The following WDR33 variants were observed in gnomAD, a reference collection of about 807,000 sequenced individuals.
The protein encoded by WDR33 is pre-mRNA 3' end processing protein WDR33.
A neutral mutation model predicts 164.9 loss-of-function variants in WDR33; 47 were observed. The ratio of observed to expected loss-of-function variants is 0.29; its 90% CI spans 0.23 to 0.36. The LOEUF is 0.36. WDR33 is among the 10% of genes least tolerant of loss of function. The pLI is 1.00. For missense variants in WDR33, 1,137 were observed against 1,754.1 expected, an observed-to-expected ratio of 0.65 and a Z score of 6.28; for synonymous variants, 505 against 589.0, an observed-to-expected ratio of 0.86 and a Z score of 2.06.
At chr2:127,796,890 A>G (rs542378396) in intron 1 of WDR33, among the ~76,000 whole-genome samples, 28 of 152,160 alleles carry the variant, frequency 1.8e-4, no homozygotes, top group African/African-American at 6.5e-4. Context: ...AAAATAATTA[A>G]CCGGAAAAAC....
intron 7 of WDR33, chr2:127,762,521 AT>A (rs1687706784): frequency 1.0e-6 from 1 of 985,654 alleles, no homozygotes; most frequent in Admixed American, 6.1e-5. Flanking sequence ...ATAGAGGTTT[AT>A]TAATTATAAA....
intron 1 of WDR33, among the ~76,000 whole-genome samples, chr2:127,797,669 T>C (rs1336922671): frequency 6.6e-6 from 1 of 151,988 alleles, no homozygotes; most frequent in African/African-American, 2.4e-5. Context: ...AATTAAAGGG[T>C]CTAGATTTGA....
intron 1 of WDR33, 37 bp from the exon 2 acceptor site, chr2:127,771,041 A>G (rs908289193): frequency 3.3e-6 from 5 of 1,508,758 alleles, no homozygotes; most frequent in Admixed American, 1.8e-5. Context: ...TACAAATATC[A>G]GCACTGCAAC....
Position 127,735,705 on chromosome 2 carries a change from A to G in WDR33, c.725-8928T>C, listed in dbSNP as rs1686820867. 2 of 985,596 alleles carry G rather than the reference A, an allele frequency of 2.0e-6. 1 individual carries two copies. The highest frequency in any genetic ancestry group is 3.5e-5 in the African/African-American group (2 of 57,264). The allele number at this position is 985,596 out of a possible 1,614,324, so 61.1% of individuals were successfully genotyped here. A position where few individuals can be genotyped will look rare whatever the true frequency, so the allele number is the denominator to read the frequency against. ...AAGGGTATATGAGTACCCATGGCCCATAGCCAGATACTCCAGTTGGACAGA... is the reference window on the plus strand; with the variant it reads ...AAGGGTATATGAGTACCCATGGCCCGTAGCCAGATACTCCAGTTGGACAGA... On this transcript the variant is annotated intron_variant, in intron 7 of 21. Transcript: ENST00000322313. The surrounding 1 kb of genome is among the most constrained non-coding windows in gnomAD (Gnocchi z 4.3).
chr2:127,789,841 A>G (rs985913779), intron 1 of WDR33, among the ~76,000 whole-genome samples: 3 of 151,988 alleles, frequency 2.0e-5, no homozygotes, highest in Non-Finnish European at 4.4e-5. Context: ...TTGCTAAAAA[A>G]AAATTTTTTT....
Position 127,714,981 on chromosome 2 carries a change from A to T in WDR33, c.2870-960T>A, listed in dbSNP as rs185080210. Among the ~76,000 whole-genome samples the T allele has an allele frequency of 1.6e-3, 249 of 151,882 alleles. No homozygotes were observed. The highest frequency in any genetic ancestry group is 5.8e-3 in the African/African-American group (239 of 41,356). On this transcript the variant is annotated intron_variant, in intron 17 of 21. Coordinates refer to ENST00000322313, the MANE Select transcript of WDR33 (RefSeq NM_018383.5). This position sits in a 1 kb window ranked among gnomAD's most constrained non-coding sequence, Gnocchi z 4.3. ...TCCAATAGCCCAGTTCATGCCTTTT[A>T]CTGCTTTTCCCTGGCTATAAAGACA...
At position 127,793,140 on chromosome 2, in the gene WDR33, T is replaced by C. The variant is rs74217193; in HGVS notation, c.-24+17872A>G. ...TCTAATGATTTGGTACATCAAAAAC[T>C]CAATTTAGGGCCTGGCACGGTGGCT... On this transcript the variant is annotated intron_variant, in intron 1 of 21. Transcript: ENST00000322313. 8.9e-4 allele frequency among the ~76,000 whole-genome samples: 135 copies of C among 152,268 alleles called. 1 individual carries two copies. The East Asian group carries it at 0.014, about 15-fold the overall frequency.
At chr2:127,711,780 A>ATTTTT (rs1158780905) in intron 18 of WDR33, among the ~76,000 whole-genome samples, 1 of 88,308 alleles carries the variant, frequency 1.1e-5, no homozygotes, top group African/African-American at 6.5e-5. Context: ...ATATATATAT[A>ATTTTT]TTTTTTTTTT....
chr2:127,762,891 A>G (rs1417672276), intron 7 of WDR33, 171 bp downstream of exon 7: 2 of 1,417,810 alleles, frequency 1.4e-6, no homozygotes, highest in Admixed American at 2.9e-5. Flanking sequence ...AAAACCTACA[A>G]AATGACTGTG....
In WDR33 at chr2:127,716,958, C is replaced by G. The variant is rs1686316688; in HGVS notation, c.2869+197G>C. 6.6e-6 allele frequency among the ~76,000 whole-genome samples: 1 copy of G among 152,208 alleles called. No homozygotes were observed. The highest frequency in any genetic ancestry group is 2.4e-5 in the African/African-American group (1 of 41,446). ...CTGTGCGGGTGCCTTCATTGTCAGC[C>G]TCTGGGGTGAGGGGCTTACTAAACA... is the stretch of plus-strand genomic sequence containing the variant. On this transcript the variant is annotated intron_variant, in intron 17 of 21. Coordinates refer to ENST00000322313, the MANE Select transcript of WDR33 (RefSeq NM_018383.5). The surrounding 1 kb of genome is among the most constrained non-coding windows in gnomAD (Gnocchi z 4.5).
chr2:127,761,491 C>T (rs964935100), intron 7 of WDR33, among the ~76,000 whole-genome samples: 9 of 152,170 alleles, frequency 5.9e-5, no homozygotes, highest in African/African-American at 7.2e-5. Flanking sequence ...TGAGCCACCG[C>T]GCCCAGCTAC....
At chr2:127,725,448 C>A (rs1013726239) in intron 8 of WDR33, among the ~76,000 whole-genome samples, 1 of 152,174 alleles carries the variant, frequency 6.6e-6, no homozygotes, top group Non-Finnish European at 1.5e-5. Context: ...GTTAAAAAAG[C>A]AGCAGAGGCT....
At chr2:127,772,417 C>T (rs1258816697) in intron 1 of WDR33, among the ~76,000 whole-genome samples, 4 of 150,710 alleles carry the variant, frequency 2.7e-5, no homozygotes, top group Admixed American at 6.6e-5. Flanking sequence ...CCAGCCTGGG[C>T]GACAAGGCAA....
chr2:127,725,087 A>G lies in WDR33; in HGVS notation c.980T>C (p.Phe327Ser). ...IRNLKEELQV[F>S]RGHKKEATAV... ...TGTGGCTTCTTTCTTATGACCTCGGAAGACTTGAAGCTCTTCTTTTAGGTT... is the reference window on the plus strand; with the variant it reads ...TGTGGCTTCTTTCTTATGACCTCGGGAGACTTGAAGCTCTTCTTTTAGGTT... Residue 327 changes from phenylalanine (F) to serine (S), a missense_variant, in exon 9 of 22, where the codon TTC becomes TCC. This residue lies in a region of WDR33 where 83 missense variants were observed against 189.2 expected (regional missense o/e 0.44). Transcript: ENST00000322313. The G allele has an allele frequency of 1.2e-6, 2 of 1,613,736 alleles. No homozygotes were observed. The highest frequency in any genetic ancestry group is 1.7e-6 in the Non-Finnish European group (2 of 1,179,956).
rs1188899592 is a variant in WDR33 at position 127,703,112 on chromosome 2, G to A, written c.*3211C>T. On this transcript the variant is annotated 3_prime_UTR_variant, in exon 22 of 22. Coordinates refer to ENST00000322313, the MANE Select transcript of WDR33 (RefSeq NM_018383.5). The stretch of plus-strand genomic sequence containing the variant: ...CTTAATTTATTGCCAGAAGGTATGA[G>A]CCTAACATTCTGATGAGTCCAGAAA... 1 of 167,028 alleles carries A rather than the reference G, an allele frequency of 6.0e-6. No individual in the cohort carries two copies. Among genetic ancestry groups the A allele is most frequent in the Non-Finnish European group, 1.5e-5 (1 of 68,116 alleles). The allele number at this position is 167,028 out of a possible 1,614,324, so 10.3% of individuals were successfully genotyped here. A position where few individuals can be genotyped will look rare whatever the true frequency, so the allele number is the denominator to read the frequency against.
chr2:127,767,286 T>C (rs1558945068), intron 4 of WDR33, among the ~76,000 whole-genome samples: 1 of 152,226 alleles, frequency 6.6e-6, no homozygotes, highest in Non-Finnish European at 1.5e-5. Context: ...TTAAGACTGT[T>C]AACCAACAAG....
rs573725830 is a variant in WDR33 at position 127,755,255 on chromosome 2, G to T, written c.724+7807C>A. On this transcript the variant is annotated intron_variant, in intron 7 of 21. Coordinates refer to ENST00000322313, the MANE Select transcript of WDR33 (RefSeq NM_018383.5). ...AACTTCTACTTGTCGTTTTGAATCA[G>T]CTATAAATTACAAAGCAAGACCATC... 2.0e-4 allele frequency among the ~76,000 whole-genome samples: 31 copies of T among 152,258 alleles called. No homozygotes were observed. The South Asian group carries it at 6.4e-3, about 32-fold the overall frequency.
intron 1 of WDR33, among the ~76,000 whole-genome samples, chr2:127,800,377 G>A (rs896608547): frequency 3.9e-5 from 6 of 152,136 alleles, no homozygotes; most frequent in African/African-American, 1.4e-4. Context: ...GCTCATGCCT[G>A]TACTCCCAGC....
Position 127,768,299 on chromosome 2 carries a change from A to G in WDR33, c.274-6T>C, listed in dbSNP as rs1372487912. On this transcript the variant is annotated splice_region_variant and splice_polypyrimidine_tract_variant and intron_variant, in intron 3 of 21. Coordinates refer to ENST00000322313, the MANE Select transcript of WDR33 (RefSeq NM_018383.5). Reference sequence around the variant, plus strand: ...ATTCCTATAGGTGGGACCAGCTACAAAAAAGGAAAATTGGGTTCTTAGAGC... The same window carrying G: ...ATTCCTATAGGTGGGACCAGCTACAGAAAAGGAAAATTGGGTTCTTAGAGC... 2.6e-6 allele frequency: 4 copies of G among 1,522,898 alleles called. No homozygotes were observed. Among genetic ancestry groups the G allele is most frequent in the East Asian group, 2.3e-5 (1 of 42,808 alleles). The allele number at this position is 1,522,898 out of a possible 1,614,324, so 94.3% of individuals were successfully genotyped here. A position where few individuals can be genotyped will look rare whatever the true frequency, so the allele number is the denominator to read the frequency against.
Sources: gnomAD v4.1 joint callset for allele counts (sites outside exome capture counted in the v4.1 genomes callset) on GRCh38, gnomAD v4.1.1 for gene constraint, gnomAD v4.1.1 regional missense constraint, Gnocchi (gnomAD v3.1) non-coding constraint, MANE v1.5 for transcripts, NCBI Gene and HGNC (gene_info 2026-07-23, HGNC 2026-07-21) for gene names.